Variants in NMBR observed in about 807,000 individuals in gnomAD.
NMBR encodes neuromedin-B receptor.
A neutral mutation model predicts 20.5 loss-of-function variants in NMBR; 16 were observed. The observed-to-expected ratio is 0.78, with a 90% CI of 0.53 to 1.19. NMBR has a LOEUF of 1.19. Ranked by LOEUF, NMBR falls within the 50% of genes most tolerant of loss-of-function variation. The pLI, the probability that NMBR is intolerant of heterozygous loss-of-function variation, is 0.00. For synonymous variants in NMBR, 212 were observed against 196.6 expected, an observed-to-expected ratio of 1.08 and a Z score of -0.65; for missense variants, 582 against 499.1, an observed-to-expected ratio of 1.17 and a Z score of -1.58.
intron 1 of NMBR, chr6:142,133,284 C>T (rs1261031756): frequency 1.9e-6 from 1 of 529,122 alleles, no homozygotes; most frequent in Non-Finnish European, 3.4e-6. Flanking sequence ...TGAATAAATT[C>T]TCTACATCTA....
chr6:142,137,480 C>T lies in NMBR; in HGVS notation c.-664+9564G>A, dbSNP rs1375101528. Among the ~76,000 whole-genome samples the T allele has an allele frequency of 3.3e-5, 5 of 152,126 alleles. No individual in the cohort carries two copies. The East Asian group carries it at 9.7e-4, about 29-fold the overall frequency. On this transcript the variant is annotated intron_variant, in intron 1 of 3. Transcript: ENST00000258042. ...ACTTCCTCTTTTCCTAATTGAATAC[C>T]CTTTATTTCCTTCTCCTGCCTAATT... is the stretch of plus-strand genomic sequence containing the variant.
At chr6:142,110,172 C>A (rs73577736) in intron 1 of NMBR, among the ~76,000 whole-genome samples, 4,134 of 152,234 alleles carry the variant, frequency 0.027, 190 homozygotes, top group African/African-American at 0.092. Flanking sequence ...GGCCATTCCT[C>A]ATAAGGCTAA....
chr6:142,113,255 T>C (rs1038771212), intron 1 of NMBR, among the ~76,000 whole-genome samples: 1 of 152,160 alleles, frequency 6.6e-6, no homozygotes, highest in Non-Finnish European at 1.5e-5. Context: ...AGCTATTTTA[T>C]AGCCTAAAGT....
At chr6:142,111,625 C>A (rs1777764921) in intron 1 of NMBR, among the ~76,000 whole-genome samples, 1 of 152,104 alleles carries the variant, frequency 6.6e-6, no homozygotes, top group South Asian at 2.1e-4. Flanking sequence ...GTGAATAAAT[C>A]ATTTTATGCA....
intron 1 of NMBR, among the ~76,000 whole-genome samples, chr6:142,146,156 C>T (rs929391304): frequency 1.3e-5 from 2 of 152,044 alleles, no homozygotes; most frequent in Non-Finnish European, 2.9e-5. Flanking sequence ...GTAAAAAAGC[C>T]CGACCCAGAA....
chr6:142,142,902 T>C (rs750122180), intron 1 of NMBR, among the ~76,000 whole-genome samples: 1 of 151,858 alleles, frequency 6.6e-6, no homozygotes, highest in African/African-American at 2.4e-5. Flanking sequence ...CTAGGCAATA[T>C]AGCAAGACTC....
chr6:142,094,113 T>C (rs187937519), intron 1 of NMBR, among the ~76,000 whole-genome samples: 10 of 152,272 alleles, frequency 6.6e-5, no homozygotes, highest in Admixed American at 3.3e-4. Flanking sequence ...CTGTTCACTC[T>C]GATGGTAGTT....
chr6:142,108,818 A>G (rs1777707199), intron 1 of NMBR, among the ~76,000 whole-genome samples: 1 of 152,168 alleles, frequency 6.6e-6, no homozygotes, highest in African/African-American at 2.4e-5. Context: ...CCAAATTCTT[A>G]GCTCATTCTA....
intron 1 of NMBR, among the ~76,000 whole-genome samples, chr6:142,122,010 C>T (rs1347010471): frequency 6.6e-6 from 1 of 151,894 alleles, no homozygotes; most frequent in Non-Finnish European, 1.5e-5. Flanking sequence ...CAGCACTACT[C>T]CCCACATGCC....
intron 2 of NMBR, among the ~76,000 whole-genome samples, chr6:142,086,483 T>G (rs1562234010): frequency 1.3e-5 from 2 of 152,046 alleles, no homozygotes; most frequent in Non-Finnish European, 2.9e-5. Context: ...AACAAACCAT[T>G]TCCAACCCAT....
At chr6:142,087,198 A>G (rs1562234265) in intron 2 of NMBR, among the ~76,000 whole-genome samples, 1 of 152,186 alleles carries the variant, frequency 6.6e-6, no homozygotes, top group African/African-American at 2.4e-5. Flanking sequence ...GTATTCCAGT[A>G]TTCTTGCAAA....
chr6:142,088,718 A>G lies in NMBR; in HGVS notation c.-60T>C, dbSNP rs1299325862. On this transcript the variant is annotated 5_prime_UTR_variant, in exon 2 of 4. Coordinates refer to ENST00000258042, the MANE Select transcript of NMBR (RefSeq NM_002511.4). ...ACGCGCTCCGGTGCCCTGAGGACTG[A>G]ACGCCCACGATTTAGGTTTAATCGA... 2 of 1,455,108 alleles carry G rather than the reference A, an allele frequency of 1.4e-6. No individual in the cohort carries two copies. The highest frequency in any genetic ancestry group is 2.8e-5 in the African/African-American group (2 of 70,968). 90.1% of individuals were successfully genotyped at this position (1,455,108 alleles called of 1,614,324 possible).
At chr6:142,094,192 T>A (rs574021517) in intron 1 of NMBR, among the ~76,000 whole-genome samples, 6 of 152,212 alleles carry the variant, frequency 3.9e-5, no homozygotes, top group Non-Finnish European at 8.8e-5. Flanking sequence ...TTGTTGCCAT[T>A]GCTTTTGGTG....
chr6:142,126,597 T>C (rs2114602735), intron 1 of NMBR, among the ~76,000 whole-genome samples: 1 of 152,040 alleles, frequency 6.6e-6, no homozygotes, highest in South Asian at 2.1e-4. Context: ...ATAGCCATTC[T>C]AACAGGTGTG....
chr6:142,129,262 G>A (rs1447047556), intron 1 of NMBR, among the ~76,000 whole-genome samples: 1 of 151,960 alleles, frequency 6.6e-6, no homozygotes, highest in Non-Finnish European at 1.5e-5. Context: ...GCAACTTTTT[G>A]TACTAATAGT....
At chr6:142,078,482 C>T (rs1421627713) in intron 3 of NMBR, 73 bp downstream of exon 3, 7 of 848,118 alleles carry the variant, frequency 8.3e-6, no homozygotes, top group Non-Finnish European at 1.1e-5. Context: ...GATTAAAAGC[C>T]CACAAAATAA....
At position 142,088,979 on chromosome 6, in the gene NMBR, A is replaced by G. The variant is rs539095505; in HGVS notation, c.-321T>C. ...TTGTTCTCGCGGTTATCTAGCGGAA[A>G]ACAGCCTTTCAGGAACAAGGAGCTG... On this transcript the variant is annotated 5_prime_UTR_variant, in exon 2 of 4. Coordinates refer to ENST00000258042, the MANE Select transcript of NMBR (RefSeq NM_002511.4). 6.6e-6 allele frequency among the ~76,000 whole-genome samples: 1 copy of G among 152,146 alleles called. No individual in the cohort carries two copies. Among genetic ancestry groups the G allele is most frequent in the African/African-American group, 2.4e-5 (1 of 41,514 alleles).
At chr6:142,131,380 A>C (rs1389093400) in intron 1 of NMBR, among the ~76,000 whole-genome samples, 1 of 152,198 alleles carries the variant, frequency 6.6e-6, no homozygotes, top group Non-Finnish European at 1.5e-5. Context: ...TGTTTCTCAA[A>C]TCTAGGTTCA....
intron 1 of NMBR, among the ~76,000 whole-genome samples, chr6:142,146,782 A>G (rs1778445846): frequency 6.6e-6 from 1 of 152,208 alleles, no homozygotes; most frequent in Non-Finnish European, 1.5e-5. Context: ...ATTTAAACAC[A>G]TTATTTCTCT....
Sources: gnomAD v4.1 joint callset for allele counts (sites outside exome capture counted in the v4.1 genomes callset) on GRCh38, gnomAD v4.1.1 for gene constraint, MANE v1.5 for transcripts, NCBI Gene and HGNC (gene_info 2026-07-23, HGNC 2026-07-21) for gene names.